TMTC1: variants seen among roughly 807,000 people sequenced by gnomAD.
TMTC1 encodes the protein protein O-mannosyl-transferase TMTC1.
In TMTC1, 73 loss-of-function variants were observed where a neutral mutation model predicts 104.8. The ratio of observed to expected loss-of-function variants is 0.70; its 90% CI spans 0.58 to 0.85. The LOEUF (loss-of-function observed/expected upper bound fraction) is 0.85, where lower values mean the gene tolerates loss of function less well. Among genes scored for constraint, TMTC1 ranks in the 40% least tolerant of loss-of-function variants. TMTC1 has a pLI of 0.00. For missense variants in TMTC1, 1,035 were observed against 1,096.1 expected (o/e 0.94, Z 0.79); for synonymous variants, 434 against 428.7 (o/e 1.01, Z -0.15).
chr12:29,516,490 C>A lies in TMTC1; in HGVS notation c.2170-4G>T. On this transcript the variant is annotated splice_polypyrimidine_tract_variant and splice_region_variant and intron_variant, in intron 14 of 17. Transcript: ENST00000539277. Reference sequence around the variant, plus strand: ...CCATCACGGCCAAAACCTGAGCCTACAAAACCACATGGACCTTGGCTTAGC... The same window carrying A: ...CCATCACGGCCAAAACCTGAGCCTAAAAAACCACATGGACCTTGGCTTAGC... 1.2e-6 allele frequency: 2 copies of A among 1,612,690 alleles called. No homozygotes were observed. The highest frequency in any genetic ancestry group is 1.7e-6 in the Non-Finnish European group (2 of 1,179,126).
At chr12:29,674,095 G>A (rs1940630159) in intron 5 of TMTC1, among the ~76,000 whole-genome samples, 1 of 152,006 alleles carries the variant, frequency 6.6e-6, no homozygotes, top group Non-Finnish European at 1.5e-5. Flanking sequence ...TTTATGTTAT[G>A]CTCTCGAAGG....
chr12:29,769,062 C>T (rs1047397909), intron 1 of TMTC1, among the ~76,000 whole-genome samples: 1 of 152,142 alleles, frequency 6.6e-6, no homozygotes, highest in African/African-American at 2.4e-5. Flanking sequence ...AATTCTCAGG[C>T]CTTTGATCTG....
chr12:29,576,323 C>G (rs1945821397), intron 8 of TMTC1, among the ~76,000 whole-genome samples: 1 of 152,062 alleles, frequency 6.6e-6, no homozygotes. Context: ...AAATTCATAG[C>G]CAAGGCCAAT....
chr12:29,542,978 A>G (rs1164936714), intron 10 of TMTC1, among the ~76,000 whole-genome samples: 4 of 152,102 alleles, frequency 2.6e-5, no homozygotes, highest in South Asian at 2.1e-4. Context: ...ATCTCCTAAT[A>G]TTTTGCAGCA....
intron 5 of TMTC1, among the ~76,000 whole-genome samples, chr12:29,744,995 G>T (rs554742590): frequency 1.2e-3 from 178 of 151,518 alleles, no homozygotes; most frequent in Non-Finnish European, 1.8e-3. Flanking sequence ...GTGTGATCAT[G>T]GCTCACTACA....
chr12:29,696,991 G>A (rs1026647897), intron 5 of TMTC1, among the ~76,000 whole-genome samples: 12 of 152,086 alleles, frequency 7.9e-5, no homozygotes, highest in Non-Finnish European at 1.3e-4. Context: ...TTAAGTTTAC[G>A]TGTACGGCAT....
rs538579930 is a variant in TMTC1, at chr12:29,649,725, G to T, written c.939-16389C>A. Among the ~76,000 whole-genome samples the T allele has an allele frequency of 2.0e-5, 3 of 152,348 alleles. No homozygotes were observed. The East Asian group carries it at 5.8e-4, about 29-fold the overall frequency. ...ACCCTTGCAGATGGTTTTGAAGACA[G>T]AAAATTGGACAAGGCATGGGGAATG... On this transcript the variant is annotated intron_variant, in intron 5 of 17. Transcript: ENST00000539277.
intron 9 of TMTC1, among the ~76,000 whole-genome samples, chr12:29,557,275 G>A (rs1945270201): frequency 6.6e-6 from 1 of 152,166 alleles, no homozygotes; most frequent in Admixed American, 6.5e-5. Flanking sequence ...CATTTAATAA[G>A]ATTACTTTCC....
At chr12:29,757,320 G>C (rs182895568) in intron 3 of TMTC1, among the ~76,000 whole-genome samples, 1 of 152,316 alleles carries the variant, frequency 6.6e-6, no homozygotes, top group Non-Finnish European at 1.5e-5. Flanking sequence ...TGTAGGGACT[G>C]TCCTGTGCAT....
Position 29,548,281 on chromosome 12 carries a change from A to G in TMTC1, c.1676+8576T>C, listed in dbSNP as rs550630462. ...AACACAGCACCAAATGTTCAAAAGG[A>G]TATGGAGCAAATGAATCTTTCCCCA... On this transcript the variant is annotated intron_variant, in intron 10 of 17. Coordinates refer to ENST00000539277, the MANE Select transcript of TMTC1 (RefSeq NM_001193451.2). Among the ~76,000 whole-genome samples, 5 of 152,346 alleles carry G rather than the reference A, an allele frequency of 3.3e-5. No homozygotes were observed. The East Asian group carries it at 9.6e-4, about 29-fold the overall frequency.
At chr12:29,673,130 G>A (rs900078388) in intron 5 of TMTC1, among the ~76,000 whole-genome samples, 2 of 152,072 alleles carry the variant, frequency 1.3e-5, no homozygotes, top group Non-Finnish European at 2.9e-5. Context: ...ATTTCACTTG[G>A]AACTCTATTT....
chr12:29,645,829 A>T (rs1475613820), intron 5 of TMTC1, among the ~76,000 whole-genome samples: 1 of 152,200 alleles, frequency 6.6e-6, no homozygotes, highest in Non-Finnish European at 1.5e-5. Context: ...ACCGCATACA[A>T]TATTAAAAAT....
At chr12:29,566,579 A>C (rs1945522809) in intron 9 of TMTC1, among the ~76,000 whole-genome samples, 1 of 152,142 alleles carries the variant, frequency 6.6e-6, no homozygotes, top group African/African-American at 2.4e-5. Context: ...AGACTGAAGG[A>C]AAGCAGGGCA....
At chr12:29,780,324 C>T (rs1057156437) in intron 1 of TMTC1, among the ~76,000 whole-genome samples, 2 of 152,136 alleles carry the variant, frequency 1.3e-5, no homozygotes, top group Admixed American at 1.3e-4. Flanking sequence ...TAAAAAGGAA[C>T]AAACTATGGA....
intron 7 of TMTC1, among the ~76,000 whole-genome samples, chr12:29,588,115 C>T (rs2194819): frequency 0.44 from 66,563 of 151,782 alleles, 16,537 homozygotes; most frequent in African/African-American, 0.68. Context: ...AAGAGAGTCA[C>T]CATCCTACTC....
At chr12:29,761,279 A>C (rs1373626683) in intron 2 of TMTC1, among the ~76,000 whole-genome samples, 1 of 151,560 alleles carries the variant, frequency 6.6e-6, no homozygotes, top group African/African-American at 2.4e-5. Flanking sequence ...AAAATGTACA[A>C]CTAAATTATT....
At chr12:29,739,201 T>C (rs539312443) in intron 5 of TMTC1, among the ~76,000 whole-genome samples, 1 of 152,168 alleles carries the variant, frequency 6.6e-6, no homozygotes, top group African/African-American at 2.4e-5. Context: ...CACTCCCAAG[T>C]TCCTTCATGA....
intron 5 of TMTC1, among the ~76,000 whole-genome samples, chr12:29,635,781 C>T (rs34643481): frequency 0.11 from 17,494 of 152,224 alleles, 1,083 homozygotes; most frequent in Middle Eastern, 0.19. Context: ...CACAGGGATG[C>T]AGTGTGCAAA....
intron 9 of TMTC1, among the ~76,000 whole-genome samples, chr12:29,560,672 T>A (rs1354719978): frequency 6.6e-6 from 1 of 151,886 alleles, no homozygotes; most frequent in Non-Finnish European, 1.5e-5. Context: ...TGAAGAAAAA[T>A]TTGTGTTCAA....
Sources: gnomAD v4.1 joint callset for allele counts (sites outside exome capture counted in the v4.1 genomes callset) on GRCh38, gnomAD v4.1.1 for gene constraint, MANE v1.5 for transcripts, NCBI Gene and HGNC (gene_info 2026-07-23, HGNC 2026-07-21) for gene names.